Variants in HAPLN1 observed in about 807,000 individuals in gnomAD.
HAPLN1 encodes Cartilage link protein.
In HAPLN1, 13 loss-of-function variants were observed where a neutral mutation model predicts 36.5. That is an observed-to-expected ratio of 0.36 (90% CI 0.23 to 0.57). HAPLN1 has a LOEUF of 0.57. Ranked by LOEUF, HAPLN1 falls within the 20% of genes least tolerant of loss-of-function variation. The probability of loss-of-function intolerance (pLI) is 0.83; values close to 1 mark genes in which losing one functional copy is unlikely to be tolerated. For synonymous variants in HAPLN1, 202 were observed against 169.8 expected (o/e 1.19, Z -1.48); for missense variants, 407 against 439.7 (o/e 0.93, Z 0.66).
intron 1 of HAPLN1, among the ~76,000 whole-genome samples, chr5:83,683,697 A>C (rs1194807652): frequency 6.6e-6 from 1 of 152,218 alleles, no homozygotes; most frequent in Admixed American, 6.5e-5. Context: ...CTTCTTCAAA[A>C]AGGAACTGCT....
chr5:83,681,556 G>C (rs1427806023), intron 1 of HAPLN1, among the ~76,000 whole-genome samples: 3 of 151,624 alleles, frequency 2.0e-5, no homozygotes, highest in Non-Finnish European at 4.4e-5. Context: ...TGTCACAAAG[G>C]CTGGAGTGCA....
chr5:83,696,964 T>C (rs1751402283), intron 1 of HAPLN1, among the ~76,000 whole-genome samples: 1 of 152,274 alleles, frequency 6.6e-6, no homozygotes, highest in East Asian at 1.9e-4. Context: ...ATTCCTCAAG[T>C]TGTGCAACCA....
chr5:83,655,179 G>A (rs188179848), intron 2 of HAPLN1, among the ~76,000 whole-genome samples: 209 of 152,242 alleles, frequency 1.4e-3, no homozygotes, highest in African/African-American at 4.8e-3. Flanking sequence ...AAATTTGGGA[G>A]GTTTAGTTTA....
intron 2 of HAPLN1, among the ~76,000 whole-genome samples, chr5:83,656,777 T>C (rs944362277): frequency 2.4e-4 from 37 of 152,166 alleles, no homozygotes; most frequent in African/African-American, 8.2e-4. Context: ...ACTGAACCGC[T>C]GGGGCCTCGT....
At chr5:83,668,295 G>A (rs192245807) in intron 2 of HAPLN1, among the ~76,000 whole-genome samples, 1 of 151,726 alleles carries the variant, frequency 6.6e-6, no homozygotes, top group Non-Finnish European at 1.5e-5. Context: ...GGATACCAGA[G>A]GGGGACAGAT....
chr5:83,662,460 A>G (rs1750431655), intron 2 of HAPLN1, among the ~76,000 whole-genome samples: 1 of 152,234 alleles, frequency 6.6e-6, no homozygotes, highest in Non-Finnish European at 1.5e-5. Flanking sequence ...ATTTATGGAT[A>G]AATAACTAGC....
chr5:83,682,671 T>C (rs1419618889), intron 1 of HAPLN1: 6 of 152,158 alleles, frequency 3.9e-5, no homozygotes, highest in Non-Finnish European at 7.3e-5. Context: ...AGTAACAAAG[T>C]GTGTTCCAGC....
At chr5:83,681,425 T>C (rs1210868908) in intron 1 of HAPLN1, among the ~76,000 whole-genome samples, 2 of 152,158 alleles carry the variant, frequency 1.3e-5, no homozygotes, top group African/African-American at 4.8e-5. Flanking sequence ...TTGTTTCTTA[T>C]CAAGCACAAA....
chr5:83,702,524 C>T (rs1280337935), intron 1 of HAPLN1, among the ~76,000 whole-genome samples: 2 of 152,214 alleles, frequency 1.3e-5, no homozygotes, highest in African/African-American at 2.4e-5. Context: ...CACTGATAAT[C>T]CCTCTAGGCT....
chr5:83,695,933 G>C (rs1344338303), intron 1 of HAPLN1, among the ~76,000 whole-genome samples: 1 of 151,592 alleles, frequency 6.6e-6, no homozygotes, highest in Non-Finnish European at 1.5e-5. Flanking sequence ...GTGGAATTAA[G>C]GCAAGAAAAA....
At chr5:83,656,323 G>A (rs76419241) in intron 2 of HAPLN1, among the ~76,000 whole-genome samples, 10 of 92,716 alleles carry the variant, frequency 1.1e-4, no homozygotes, top group African/African-American at 2.4e-4. Flanking sequence ...GAAAGACTAC[G>A]TCTCAAAAAA....
At chr5:83,706,438 A>G (rs1444147588) in intron 1 of HAPLN1, among the ~76,000 whole-genome samples, 1 of 152,256 alleles carries the variant, frequency 6.6e-6, no homozygotes, top group Non-Finnish European at 1.5e-5. Context: ...ACACAAATCA[A>G]TAAATGTGAT....
chr5:83,702,246 GC>G (rs1403687220), intron 1 of HAPLN1, among the ~76,000 whole-genome samples: 1 of 151,972 alleles, frequency 6.6e-6, no homozygotes, highest in East Asian at 1.9e-4. Context: ...GATAAATTTG[GC>G]TTTTACTTTG....
At chr5:83,709,130 C>T (rs1751718465) in intron 1 of HAPLN1, among the ~76,000 whole-genome samples, 1 of 152,178 alleles carries the variant, frequency 6.6e-6, no homozygotes, top group African/African-American at 2.4e-5. Context: ...GCTGGGATTA[C>T]AGGCGTGAGC....
intron 1 of HAPLN1, among the ~76,000 whole-genome samples, chr5:83,678,578 T>TGGCAGTGCAGGTCC (rs1178034921): frequency 7.9e-4 from 121 of 152,322 alleles, no homozygotes; most frequent in African/African-American, 2.8e-3. Context: ...TCAGCAGGAC[T>TGGCAGTGCAGGTCC]GGCAGTGCAG....
intron 1 of HAPLN1, among the ~76,000 whole-genome samples, chr5:83,720,559 C>A (rs1304421501): frequency 1.3e-5 from 2 of 152,174 alleles, no homozygotes; most frequent in African/African-American, 4.8e-5. Flanking sequence ...AGAGTTAATT[C>A]TTTCTCCATT....
At position 83,652,722 on chromosome 5, in the gene HAPLN1, G is replaced by A. The variant is rs1197150904; in HGVS notation, c.203C>T (p.Thr68Ile). Residue 68 changes from threonine to isoleucine, a missense_variant, in exon 3 of 5, where the codon ACA becomes ATA. Physicochemically the swap from Thr to Ile is moderately conservative, Grantham distance 89 (BLOSUM62 -1). Transcript: ENST00000274341. ...TLPCKFYRDPTAFGSGIHKIR... is the reference protein window; with the variant it reads ...TLPCKFYRDPIAFGSGIHKIR... Reference sequence around the variant, plus strand: ...TTTATGGATTCCTGAGCCAAATGCTGTAGGGTCTCGATAAAATTTACATGG... The same window carrying A: ...TTTATGGATTCCTGAGCCAAATGCTATAGGGTCTCGATAAAATTTACATGG... 20 of 1,614,078 alleles carry A rather than the reference G, an allele frequency of 1.2e-5. No individual in the cohort carries two copies. Among genetic ancestry groups the A allele is most frequent in the Non-Finnish European group, 1.6e-5 (19 of 1,179,992 alleles).
At position 83,657,858 on chromosome 5, in the gene HAPLN1, C is replaced by T. The variant is rs191452731; in HGVS notation, c.101-5034G>A. On this transcript the variant is annotated intron_variant, in intron 2 of 4. Coordinates refer to ENST00000274341, the MANE Select transcript of HAPLN1 (RefSeq NM_001884.4). Reference sequence around the variant, plus strand: ...TGTATTTAAGATGGCTAAATAAGAACATTAAAAATAATCTCTCCAAGAAAA... The same window carrying T: ...TGTATTTAAGATGGCTAAATAAGAATATTAAAAATAATCTCTCCAAGAAAA... 6.5e-3 allele frequency among the ~76,000 whole-genome samples: 962 copies of T among 147,912 alleles called. 5 individuals carry two copies. Among genetic ancestry groups the T allele is most frequent in the Non-Finnish European group, 0.011 (708 of 67,000 alleles).
At chr5:83,662,260 G>A (rs746815341) in intron 2 of HAPLN1, among the ~76,000 whole-genome samples, 6 of 152,088 alleles carry the variant, frequency 3.9e-5, no homozygotes, top group Non-Finnish European at 7.4e-5. Flanking sequence ...CCCAGGTAAT[G>A]AACTTTTTAT....
Sources: allele counts gnomAD v4.1 joint callset (sites outside exome capture counted in the v4.1 genomes callset), GRCh38; gene constraint gnomAD v4.1.1; transcripts MANE v1.5; gene names NCBI Gene and HGNC (gene_info 2026-07-23, HGNC 2026-07-21).